Variants in CHRNA9 observed in about 807,000 individuals in gnomAD.
The protein encoded by CHRNA9 is cholinergic receptor nicotinic alpha 9 subunit, also known as neuronal acetylcholine receptor subunit alpha-9.
CHRNA9 carries 24 observed loss-of-function variants against 36.8 expected under a neutral mutation model. That is an observed-to-expected ratio of 0.65 (90% CI 0.47 to 0.92). CHRNA9 has a LOEUF of 0.92. Ranked by LOEUF, CHRNA9 falls within the 40% of genes least tolerant of loss-of-function variation. The pLI, the probability that CHRNA9 is intolerant of heterozygous loss-of-function variation, is 0.00. For missense variants in CHRNA9, 610 were observed against 601.2 expected (o/e 1.01, Z -0.15); for synonymous variants, 231 against 231.8 (o/e 1.00, Z 0.03).
In CHRNA9 at chr4:40,349,425, G is replaced by C; in HGVS notation, c.898+11G>C. ...ATGTGCCCCTGATAGGTGAGTCCAA[G>C]TGTCTTCCACTTCAAGCCCAGCTTT... is the stretch of plus-strand genomic sequence containing the variant. On this transcript the variant is annotated intron_variant, in intron 4 of 4. Coordinates refer to ENST00000310169, the MANE Select transcript of CHRNA9 (RefSeq NM_017581.4). The C allele has an allele frequency of 6.2e-7, 1 of 1,605,580 alleles. No homozygotes were observed. The highest frequency in any genetic ancestry group is 8.5e-7 in the Non-Finnish European group (1 of 1,175,162).
chr4:40,352,217 T>C (rs914958157), intron 4 of CHRNA9, among the ~76,000 whole-genome samples: 1 of 152,172 alleles, frequency 6.6e-6, no homozygotes, highest in Non-Finnish European at 1.5e-5. Flanking sequence ...AAATATGTTA[T>C]TATACAGCTA....
chr4:40,352,722 C>CCTTA (rs1274144855), intron 4 of CHRNA9, among the ~76,000 whole-genome samples: 1 of 151,954 alleles, frequency 6.6e-6, no homozygotes, highest in Non-Finnish European at 1.5e-5. Flanking sequence ...AAATTTGTAG[C>CCTTA]CTTATCTTAA....
At chr4:40,337,677 A>C (rs1712367845) in intron 3 of CHRNA9, among the ~76,000 whole-genome samples, 1 of 152,200 alleles carries the variant, frequency 6.6e-6, no homozygotes, top group South Asian at 2.1e-4. Flanking sequence ...AAAATGTGTT[A>C]TCTCACAGTT....
chr4:40,344,587 G>A (rs890442171), intron 3 of CHRNA9, among the ~76,000 whole-genome samples: 7 of 151,584 alleles, frequency 4.6e-5, no homozygotes, highest in African/African-American at 1.7e-4. Flanking sequence ...TGCTACAGCA[G>A]CAATAGAAAT....
chr4:40,337,212 T>C lies in CHRNA9; in HGVS notation c.213T>C (p.Asp71=). 6.2e-7 allele frequency: 1 copy of C among 1,614,184 alleles called. No individual in the cohort carries two copies. Among genetic ancestry groups the C allele is most frequent in the Non-Finnish European group, 8.5e-7 (1 of 1,180,006 alleles). ...QITLSQIKDM[D]ERNQILTAYL... ...CGACATCTGGATTCATTGTGTAGGA[T>C]GAAAGAAACCAAATTCTGACTGCTT... Residue 71 remains aspartate (D), a splice_region_variant and synonymous_variant, in exon 3 of 5, where the codon GAT becomes GAC. Transcript: ENST00000310169.
chr4:40,354,479 G>T lies in CHRNA9; in HGVS notation c.1399G>T (p.Val467Leu), dbSNP rs1446568091. The change falls in exon 5 of 5, where the codon GTG becomes TTG. Residue 467 changes from valine to leucine, a missense_variant. Coordinates refer to ENST00000310169, the MANE Select transcript of CHRNA9 (RefSeq NM_017581.4). ...RFFMWIFFIM[V>L]FVMTILIIAR... ...CTTCATGTGGATTTTTTTCATTATG[G>T]TGTTTGTGATGACTATTTTGATCAT... 6.2e-7 allele frequency: 1 copy of T among 1,613,778 alleles called. No homozygotes were observed. The highest frequency in any genetic ancestry group is 1.3e-5 in the African/African-American group (1 of 74,906).
At chr4:40,341,933 G>A (rs574526986) in intron 3 of CHRNA9, among the ~76,000 whole-genome samples, 19 of 152,226 alleles carry the variant, frequency 1.2e-4, no homozygotes, top group African/African-American at 4.1e-4. Flanking sequence ...ATAGAGATGA[G>A]GTCTCACTAT....
rs543152946 is a variant in CHRNA9, at chr4:40,346,596, G to A, written c.366-2286G>A. Among the ~76,000 whole-genome samples the A allele has an allele frequency of 5.9e-5, 9 of 152,116 alleles. 1 individual carries two copies. The highest frequency in any genetic ancestry group is 2.6e-4 in the Admixed American group (4 of 15,280). On this transcript the variant is annotated intron_variant, in intron 3 of 4. Coordinates refer to ENST00000310169, the MANE Select transcript of CHRNA9 (RefSeq NM_017581.4). Reference sequence around the variant, plus strand: ...ATAGCTAACTGTACACATTTCTCACGGTTACAGGAGGAAGCTTCAGGCATT... The same window carrying A: ...ATAGCTAACTGTACACATTTCTCACAGTTACAGGAGGAAGCTTCAGGCATT...
In CHRNA9 at chr4:40,337,185, A is replaced by G. The variant is rs754864594; in HGVS notation, c.211-25A>G. On this transcript the variant is annotated intron_variant, in intron 2 of 4. Transcript: ENST00000310169. ...AACATTTCAAGTGTCTGCTAGGTAA[A>G]GCGACATCTGGATTCATTGTGTAGG... The G allele has an allele frequency of 2.5e-6, 4 of 1,610,158 alleles. No individual in the cohort carries two copies. The South Asian group carries it at 3.3e-5, about 13-fold the overall frequency.
chr4:40,339,810 A>G (rs896590878), intron 3 of CHRNA9, among the ~76,000 whole-genome samples: 2 of 151,426 alleles, frequency 1.3e-5, no homozygotes, highest in African/African-American at 4.9e-5. Flanking sequence ...CTACAGGTGC[A>G]TGCCACCATG....
intron 3 of CHRNA9, among the ~76,000 whole-genome samples, chr4:40,340,754 T>A (rs1365736557): frequency 6.6e-6 from 1 of 152,024 alleles, no homozygotes; most frequent in Non-Finnish European, 1.5e-5. Context: ...GGGGCTAGAC[T>A]GGTTAGGGAG....
chr4:40,350,362 C>G (rs1174505489), intron 4 of CHRNA9, among the ~76,000 whole-genome samples: 1 of 152,092 alleles, frequency 6.6e-6, no homozygotes, highest in African/African-American at 2.4e-5. Context: ...CCTGCCTCCC[C>G]TATCCTTGCC....
At chr4:40,344,974 A>C (rs1434427709) in intron 3 of CHRNA9, among the ~76,000 whole-genome samples, 3 of 152,152 alleles carry the variant, frequency 2.0e-5, no homozygotes, top group African/African-American at 7.2e-5. Context: ...CTACATGCAG[A>C]AAAGGGGGAC....
At chr4:40,341,394 A>G (rs940394786) in intron 3 of CHRNA9, among the ~76,000 whole-genome samples, 1 of 152,008 alleles carries the variant, frequency 6.6e-6, no homozygotes, top group Admixed American at 6.6e-5. Flanking sequence ...AAGTTGAGAG[A>G]GTATTCTCCT....
In CHRNA9 at chr4:40,348,983, T is replaced by C; in HGVS notation, c.467T>C (p.Val156Ala). ...CCGGCCATCACCAAAAGCTCCTGTG[T>C]GGTGGATGTCACCTACTTCCCTTTT... ...DAPAITKSSC[V>A]VDVTYFPFDN... is the part of the protein sequence containing the mutation. Residue 156 changes from valine (V) to alanine (A), a missense_variant, in exon 4 of 5, where the codon GTG becomes GCG. Physicochemically the swap from Val to Ala is moderately conservative, Grantham distance 64. Coordinates refer to ENST00000310169, the MANE Select transcript of CHRNA9 (RefSeq NM_017581.4). 1 of 1,614,160 alleles carries C rather than the reference T, an allele frequency of 6.2e-7. No individual in the cohort carries two copies. Among genetic ancestry groups the C allele is most frequent in the Non-Finnish European group, 8.5e-7 (1 of 1,180,022 alleles).
chr4:40,343,216 A>T (rs193106844), intron 3 of CHRNA9, among the ~76,000 whole-genome samples: 3 of 152,170 alleles, frequency 2.0e-5, no homozygotes, highest in Non-Finnish European at 4.4e-5. Flanking sequence ...TTGATCAGAT[A>T]CAGAAGAGGA....
chr4:40,335,818 G>A lies in CHRNA9; in HGVS notation c.65-9G>A. 1.2e-6 allele frequency: 2 copies of A among 1,610,960 alleles called. No individual in the cohort carries two copies. The highest frequency in any genetic ancestry group is 8.5e-7 in the Non-Finnish European group (1 of 1,177,884). Reference sequence around the variant, plus strand: ...CTGAATGTTAATCCAGATCCCTCTTGTTGAGTAGCTGCAGAGACGGCAGAT... The same window carrying A: ...CTGAATGTTAATCCAGATCCCTCTTATTGAGTAGCTGCAGAGACGGCAGAT... On this transcript the variant is annotated splice_polypyrimidine_tract_variant and intron_variant, in intron 1 of 4. Transcript: ENST00000310169.
chr4:40,340,525 T>A (rs4861064), intron 3 of CHRNA9, among the ~76,000 whole-genome samples: 117,776 of 152,140 alleles, frequency 0.77, 46,493 homozygotes, highest in East Asian at 0.95. Flanking sequence ...CAGTCCTTCT[T>A]GCTGAATCCC....
chr4:40,352,106 G>A (rs1424435943), intron 4 of CHRNA9, among the ~76,000 whole-genome samples: 1 of 152,150 alleles, frequency 6.6e-6, no homozygotes, highest in Non-Finnish European at 1.5e-5. Context: ...CATTTGGTAG[G>A]GGGATGGTAT....
Sources: gnomAD v4.1 joint callset for allele counts (sites outside exome capture counted in the v4.1 genomes callset) on GRCh38, gnomAD v4.1.1 for gene constraint, MANE v1.5 for transcripts, NCBI Gene and HGNC (gene_info 2026-07-23, HGNC 2026-07-21) for gene names.